The following MATN2 variants were observed in gnomAD, a reference collection of about 807,000 sequenced individuals.
The protein encoded by MATN2 is matrilin 2.
MATN2 carries 69 observed loss-of-function variants against 103.2 expected under a neutral mutation model. The ratio of observed to expected loss-of-function variants is 0.67; its 90% CI spans 0.55 to 0.82. The LOEUF (loss-of-function observed/expected upper bound fraction) is 0.82. MATN2 is among the 40% of genes least tolerant of loss of function. The probability of loss-of-function intolerance (pLI) is 0.00; values close to 1 mark genes in which losing one functional copy is unlikely to be tolerated. For synonymous variants in MATN2, 429 were observed against 450.2 expected, an observed-to-expected ratio of 0.95 and a Z score of 0.60; for missense variants, 1,023 against 1,211.5, an observed-to-expected ratio of 0.84 and a Z score of 2.31.
chr8:97,941,032 C>T (rs983126703), intron 3 of MATN2, among the ~76,000 whole-genome samples: 1 of 151,764 alleles, frequency 6.6e-6, no homozygotes, highest in Non-Finnish European at 1.5e-5. Flanking sequence ...CATGGTGGCA[C>T]ACGCCCATAG....
chr8:97,980,558 C>CTTTTTTTTTTTTT (rs71570278), intron 6 of MATN2, among the ~76,000 whole-genome samples: 4 of 94,094 alleles, frequency 4.3e-5, no homozygotes, highest in African/African-American at 9.2e-5. Context: ...TTATTCTTTC[C>CTTTTTTTTTTTTT]TTTTTTTTTT....
At chr8:97,895,197 C>T (rs770913646) in intron 2 of MATN2, among the ~76,000 whole-genome samples, 2 of 152,106 alleles carry the variant, frequency 1.3e-5, no homozygotes, top group Non-Finnish European at 2.9e-5. Flanking sequence ...TAAGGCTTAG[C>T]TGCCACTCAA....
At chr8:98,017,259 A>G (rs1052603347) in intron 11 of MATN2, among the ~76,000 whole-genome samples, 1 of 152,118 alleles carries the variant, frequency 6.6e-6, no homozygotes, top group African/African-American at 2.4e-5. Context: ...TGTTGTTGTT[A>G]TTTCTGGTAG....
At chr8:97,899,910 C>G (rs1818926677) in intron 2 of MATN2, among the ~76,000 whole-genome samples, 2 of 152,174 alleles carry the variant, frequency 1.3e-5, no homozygotes, top group African/African-American at 4.8e-5. Context: ...ATGAGAAACG[C>G]TGGGGAAGCA....
chr8:98,003,542 C>A, intron 7 of MATN2, 119 bp from the exon 8 acceptor site: 1 of 1,116,112 alleles, frequency 9.0e-7, no homozygotes, highest in Non-Finnish European at 1.3e-6. Flanking sequence ...TCCCGGCTTG[C>A]CTCAGCAGGC....
At chr8:97,878,304 C>A (rs1226978556) in intron 1 of MATN2, among the ~76,000 whole-genome samples, 1 of 152,300 alleles carries the variant, frequency 6.6e-6, no homozygotes, top group African/African-American at 2.4e-5. Context: ...GTGCCTCACA[C>A]CTGTAATCCC....
intron 2 of MATN2, among the ~76,000 whole-genome samples, chr8:97,898,462 T>G (rs1424759377): frequency 6.6e-6 from 1 of 151,954 alleles, no homozygotes; most frequent in Non-Finnish European, 1.5e-5. Context: ...CCAGGTGTGG[T>G]GGTGGGCACC....
At position 97,889,919 on chromosome 8, in the gene MATN2, C is replaced by T. The variant is rs1421931813; in HGVS notation, c.142+1677C>T. On this transcript the variant is annotated intron_variant, in intron 2 of 18. Coordinates refer to ENST00000254898, the MANE Select transcript of MATN2 (RefSeq NM_002380.5). Reference sequence around the variant, plus strand: ...ACACACACACAGACCACATCACCCCCACCTTCCCTGGTTGTCAGCATTCAC... The same window carrying T: ...ACACACACACAGACCACATCACCCCTACCTTCCCTGGTTGTCAGCATTCAC... Among the ~76,000 whole-genome samples, 4 of 152,296 alleles carry T rather than the reference C, an allele frequency of 2.6e-5. No individual in the cohort carries two copies. In the East Asian group the frequency reaches 7.7e-4, roughly 29 times the overall value.
At chr8:97,949,311 G>T (rs1236512410) in intron 4 of MATN2, among the ~76,000 whole-genome samples, 1 of 151,808 alleles carries the variant, frequency 6.6e-6, no homozygotes, top group Non-Finnish European at 1.5e-5. Flanking sequence ...GGATCTACAG[G>T]CACGCACCAC....
At chr8:97,949,066 TG>T (rs2130212261) in intron 4 of MATN2, among the ~76,000 whole-genome samples, 1 of 152,054 alleles carries the variant, frequency 6.6e-6, no homozygotes, top group South Asian at 2.1e-4. Context: ...GCAAAATATT[TG>T]AACAGACACT....
At chr8:98,033,482 T>G (rs1814113198) in intron 17 of MATN2, 79 bp from the exon 18 acceptor site, 1 of 761,226 alleles carries the variant, frequency 1.3e-6, no homozygotes, top group African/African-American at 1.8e-5. Context: ...TTCCTCCATA[T>G]GCTGATTCAT....
At chr8:98,030,424 C>A in intron 14 of MATN2, 38 bp from the exon 15 acceptor site, 1 of 1,584,430 alleles carries the variant, frequency 6.3e-7, no homozygotes, top group South Asian at 1.1e-5. Context: ...GGGAACACAA[C>A]TCTAACTAAC....
chr8:97,975,719 A>G (rs967827320), intron 5 of MATN2, among the ~76,000 whole-genome samples: 1 of 152,176 alleles, frequency 6.6e-6, no homozygotes, highest in Non-Finnish European at 1.5e-5. Context: ...GATTTTCATC[A>G]TGGTGAATCA....
intron 2 of MATN2, among the ~76,000 whole-genome samples, chr8:97,916,239 T>C (rs1042326729): frequency 5.3e-5 from 8 of 151,968 alleles, no homozygotes; most frequent in African/African-American, 1.5e-4. Context: ...CTGGCTAATT[T>C]TTGTATTTTT....
chr8:97,944,680 A>G (rs1178142556), intron 4 of MATN2, among the ~76,000 whole-genome samples: 1 of 152,216 alleles, frequency 6.6e-6, no homozygotes, highest in Non-Finnish European at 1.5e-5. Context: ...TGTCCTTGTT[A>G]GGCCCTGTTT....
At chr8:97,947,323 T>A (rs1810784880) in intron 4 of MATN2, among the ~76,000 whole-genome samples, 2 of 152,132 alleles carry the variant, frequency 1.3e-5, no homozygotes, top group African/African-American at 4.8e-5. Context: ...GAGCCAAGAT[T>A]GCACCACTGC....
At chr8:97,886,220 C>G (rs1006840773) in intron 1 of MATN2, among the ~76,000 whole-genome samples, 8 of 152,150 alleles carry the variant, frequency 5.3e-5, no homozygotes, top group African/African-American at 1.9e-4. Flanking sequence ...AGGGCTCCCA[C>G]TGATTCCTAC....
rs139198886 is a variant in MATN2 at position 98,027,547 on chromosome 8, G to T, written c.2074G>T (p.Ala692Ser). ...TTCCTTGACAATTTCCCCCAAAGCCGCTCGAGTGGGGCTGCTCCAGTATTC... is the reference window on the plus strand; with the variant it reads ...TTCCTTGACAATTTCCCCCAAAGCCTCTCGAGTGGGGCTGCTCCAGTATTC... Reference protein sequence around the residue: ...IDSLTISPKAARVGLLQYSTQ... With the variant: ...IDSLTISPKASRVGLLQYSTQ... Residue 692 changes from alanine (A) to serine (S), a missense_variant, in exon 14 of 19, where the codon GCT becomes TCT. By Grantham distance (99) the Ala-to-Ser change is moderately conservative. Transcript: ENST00000254898. The T allele has an allele frequency of 8.7e-6, 14 of 1,613,870 alleles. No homozygotes were observed. Among genetic ancestry groups the T allele is most frequent in the Non-Finnish European group, 1.1e-5 (13 of 1,179,878 alleles).
At chr8:97,991,736 ATTC>A (rs1316454990) in intron 6 of MATN2, among the ~76,000 whole-genome samples, 1 of 147,130 alleles carries the variant, frequency 6.8e-6, no homozygotes, top group African/African-American at 2.5e-5. Flanking sequence ...AAAAAAAAAA[ATTC>A]TTTTTTCAGA....
Sources: gnomAD v4.1 joint callset for allele counts (sites outside exome capture counted in the v4.1 genomes callset) on GRCh38, gnomAD v4.1.1 for gene constraint, MANE v1.5 for transcripts, NCBI Gene and HGNC (gene_info 2026-07-23, HGNC 2026-07-21) for gene names.